The following BRF1 variants were observed in gnomAD, a reference collection of about 807,000 sequenced individuals.
The protein encoded by BRF1 is BRF1 general transcription factor IIIB subunit.
A neutral mutation model predicts 81.7 loss-of-function variants in BRF1; 59 were observed. The ratio of observed to expected loss-of-function variants is 0.72; its 90% CI spans 0.59 to 0.90. BRF1 has a LOEUF of 0.90. Ranked by LOEUF, BRF1 falls within the 40% of genes least tolerant of loss-of-function variation. The pLI is 0.00. For synonymous variants in BRF1, 491 were observed against 395.6 expected (o/e 1.24, Z -2.86); for missense variants, 1,050 against 936.3 (o/e 1.12, Z -1.58).
chr14:105,255,228 T>C (rs1566840926), intron 4 of BRF1, among the ~76,000 whole-genome samples: 1 of 152,256 alleles, frequency 6.6e-6, no homozygotes, highest in Non-Finnish European at 1.5e-5. Flanking sequence ...GTCGTGGGGT[T>C]GGAACCAGGG....
Position 105,256,173 on chromosome 14 carries a change from A to G in BRF1, c.471+345T>C, listed in dbSNP as rs976626068. 8 of 1,516,486 alleles carry G rather than the reference A, an allele frequency of 5.3e-6. No individual in the cohort carries two copies. The Admixed American group carries it at 1.0e-4, about 19-fold the overall frequency. The allele number at this position is 1,516,486 out of a possible 1,614,324, so 93.9% of individuals were successfully genotyped here. ...GCAAGGTCAAAAGAAATAATCTCCT[A>G]TACCAAACTAGGTACTCACAAAAAA... On this transcript the variant is annotated intron_variant, in intron 4 of 17. Coordinates refer to ENST00000547530, the MANE Select transcript of BRF1 (RefSeq NM_001519.4).
intron 5 of BRF1, chr14:105,250,693 C>T (rs774265589): frequency 6.3e-7 from 1 of 1,592,330 alleles, no homozygotes; most frequent in South Asian, 1.1e-5. Flanking sequence ...GAGGCTGCAG[C>T]AGGTCAGCGA....
At chr14:105,305,824 A>C (rs1326675913), upstream of BRF1, among the ~76,000 whole-genome samples, 1 of 152,242 alleles carries the variant, frequency 6.6e-6, no homozygotes, top group Non-Finnish European at 1.5e-5. Flanking sequence ...GAGCACCCAC[A>C]CTGGGCACCC....
chr14:105,241,198 A>C, intron 6 of BRF1, 67 bp downstream of exon 6: 5 of 1,584,938 alleles, frequency 3.2e-6, no homozygotes, highest in Non-Finnish European at 4.3e-6. Context: ...ACCAGCACTC[A>C]GGAGTCAGGA....
chr14:105,266,127 A>G lies in BRF1; in HGVS notation c.439+6594T>C, dbSNP rs1304938209. Among the ~76,000 whole-genome samples the G allele has an allele frequency of 2.6e-5, 4 of 152,100 alleles. No individual in the cohort carries two copies. In the South Asian group the frequency reaches 6.2e-4, roughly 24 times the overall value. On this transcript the variant is annotated intron_variant, in intron 3 of 17. Transcript: ENST00000547530. ...GATGTAACGAAACTCACCTAGAGAG[A>G]AATTTATAGCCTCGAGTGCTTATGT... is the stretch of plus-strand genomic sequence containing the variant.
intron 16 of BRF1, 153 bp from the exon 17 acceptor site, chr14:105,211,446 C>A: frequency 1.5e-6 from 1 of 652,708 alleles, no homozygotes; most frequent in South Asian, 2.0e-5. Context: ...GGCCCACTGG[C>A]CCCTTCTGGC....
chr14:105,222,191 C>G, intron 10 of BRF1: 1 of 402,062 alleles, frequency 2.5e-6, no homozygotes, highest in Non-Finnish European at 4.4e-6. Flanking sequence ...ATAAGGCAAA[C>G]ATTTCTAATG....
Position 105,309,466 on chromosome 14 carries a change from C to T in BRF1, c.-162+5856G>A, listed in dbSNP as rs1156463564. ...GTTTTGTCATTTCCCCTGGACTGGA[C>T]ATTCCTTTCTGTAGGTGTTGCTGTT... On this transcript the variant is annotated intron_variant, in intron 1 of 17. Transcript: ENST00000327359. This position sits in a 1 kb window ranked among gnomAD's most constrained non-coding sequence, Gnocchi z 4.0. 1.3e-5 allele frequency among the ~76,000 whole-genome samples: 2 copies of T among 152,228 alleles called. No homozygotes were observed. Among genetic ancestry groups the T allele is most frequent in the African/African-American group, 4.8e-5 (2 of 41,462 alleles).
At position 105,221,766 on chromosome 14, in the gene BRF1, G is replaced by A. The variant is rs1892318237; in HGVS notation, c.1197C>T (p.Pro399=). 1 of 1,611,472 alleles carries A rather than the reference G, an allele frequency of 6.2e-7. No homozygotes were observed. Among genetic ancestry groups the A allele is most frequent in the Non-Finnish European group, 8.5e-7 (1 of 1,179,680 alleles). Residue 399 remains proline, a synonymous_variant, in exon 11 of 18, where the codon CCC becomes CCT. Coordinates refer to ENST00000547530, the MANE Select transcript of BRF1 (RefSeq NM_001519.4). The part of the protein sequence containing the change: ...APGSSEAAGS[P]EWGGRPPALG... Reference sequence around the variant, plus strand: ...GGGCCGGAGGTCTGCCGCCCCACTCGGGGCTTCCTGCTGCTTCCGAGCTGC... The same window carrying A: ...GGGCCGGAGGTCTGCCGCCCCACTCAGGGCTTCCTGCTGCTTCCGAGCTGC...
rs148763121 is a variant in BRF1 at position 105,264,251 on chromosome 14, G to C, written c.440-7702C>G. Among the ~76,000 whole-genome samples, 804 of 152,060 alleles carry C rather than the reference G, an allele frequency of 5.3e-3. 10 individuals are homozygous for C. The highest frequency in any genetic ancestry group is 0.048 in the South Asian group (233 of 4,814). On this transcript the variant is annotated intron_variant, in intron 3 of 17. Transcript: ENST00000547530. The stretch of plus-strand genomic sequence containing the variant: ...GTTGGGAGGCCAAGGCAGGAGAATA[G>C]CTTCTGCCCAGGAGTTCAAGACCAG...
rs111789183 is a variant in BRF1, at chr14:105,278,321, G to A, written c.266-5427C>T. ...CAGCCAGGTGTGGTGGTGCAAGCCT[G>A]TAGGCCCAGCCAAGGTAGGAGGACT... On this transcript the variant is annotated intron_variant, in intron 2 of 17. Coordinates refer to ENST00000547530, the MANE Select transcript of BRF1 (RefSeq NM_001519.4). Among the ~76,000 whole-genome samples, 33 of 151,990 alleles carry A rather than the reference G, an allele frequency of 2.2e-4. 1 individual carries two copies. Among genetic ancestry groups the A allele is most frequent in the African/African-American group, 7.7e-4 (32 of 41,446 alleles).
chr14:105,306,452 T>C (rs1195159256), intron 1 of BRF1, among the ~76,000 whole-genome samples: 2 of 151,986 alleles, frequency 1.3e-5, no homozygotes, highest in Non-Finnish European at 2.9e-5. Context: ...TACAGGTGCA[T>C]GCCACCATGC....
At chr14:105,221,935 T>C in intron 10 of BRF1, 21 bp from the exon 11 acceptor site, 1 of 1,545,932 alleles carries the variant, frequency 6.5e-7, no homozygotes, top group Non-Finnish European at 8.7e-7. Flanking sequence ...ACAATCCACC[T>C]GTTAACCAGG....
intron 1 of BRF1, chr14:105,314,682 C>T (rs1418446443): frequency 7.0e-6 from 1 of 142,886 alleles, no homozygotes; most frequent in Admixed American, 6.9e-5. Context: ...GCGCCGGGCG[C>T]GCGCGGGGCG....
rs1401105722 is a variant in BRF1, at chr14:105,284,931, T to C, written c.265+1365A>G. ...GCCAGGCTGCAAGATACAAGATCAA[T>C]ACATATCAACTGAGACTAAATTCGA... On this transcript the variant is annotated intron_variant, in intron 2 of 17. Coordinates refer to ENST00000547530, the MANE Select transcript of BRF1 (RefSeq NM_001519.4). This position sits in a 1 kb window ranked among gnomAD's most constrained non-coding sequence, Gnocchi z 4.0. 5.9e-5 allele frequency among the ~76,000 whole-genome samples: 9 copies of C among 152,156 alleles called. No individual in the cohort carries two copies. Among genetic ancestry groups the C allele is most frequent in the Admixed American group, 2.6e-4 (4 of 15,262 alleles).
rs1263897590 is a variant in BRF1 at position 105,309,667 on chromosome 14, C to G, written c.-162+5655G>C. Among the ~76,000 whole-genome samples, 1 of 152,144 alleles carries G rather than the reference C, an allele frequency of 6.6e-6. No homozygotes were observed. Among genetic ancestry groups the G allele is most frequent in the Non-Finnish European group, 1.5e-5 (1 of 68,026 alleles). On this transcript the variant is annotated intron_variant, in intron 1 of 17. Transcript: ENST00000327359. This position sits in a 1 kb window ranked among gnomAD's most constrained non-coding sequence, Gnocchi z 4.0. ...GTGTGAGGGAGCTGCGCTGCCTGCG[C>G]CCAACCCAGGAGGGGAGCAGCGTGC... is the stretch of plus-strand genomic sequence containing the variant.
At chr14:105,228,779 G>C in intron 7 of BRF1, 41 bp downstream of exon 7, 1 of 1,606,394 alleles carries the variant, frequency 6.2e-7, no homozygotes, top group Non-Finnish European at 8.5e-7. Flanking sequence ...GACTGATGAA[G>C]CCTCTGTGTG....
intron 7 of BRF1, chr14:105,227,916 C>A (rs2054111400): frequency 6.6e-6 from 1 of 152,224 alleles, no homozygotes; most frequent in Admixed American, 6.5e-5. Context: ...TGATAAATGT[C>A]ACAGCAGTTA....
rs1595304804 is a variant in BRF1, at chr14:105,226,257, C to T, written c.949G>A (p.Val317Ile). Residue 317 changes from valine to isoleucine, a missense_variant, in exon 9 of 18, where the codon GTT becomes ATT. Physicochemically the swap from Val to Ile is conservative, Grantham distance 29 (BLOSUM62 3). Transcript: ENST00000547530. ...GGGAAGATTGGTTGGTTACCTTCAA[C>T]CTCCTCCAGTTTTTTTGACAGGACT... is the stretch of plus-strand genomic sequence containing the variant. ...EQVLSKKLEE[V>I]EGEISSYQDA... The T allele has an allele frequency of 1.9e-6, 3 of 1,614,100 alleles. No homozygotes were observed. Among genetic ancestry groups the T allele is most frequent in the Non-Finnish European group, 2.5e-6 (3 of 1,180,036 alleles).
Sources: allele counts gnomAD v4.1 joint callset (sites outside exome capture counted in the v4.1 genomes callset), GRCh38; gene constraint gnomAD v4.1.1; non-coding constraint Gnocchi (gnomAD v3.1); transcripts MANE v1.5; gene names NCBI Gene and HGNC (gene_info 2026-07-23, HGNC 2026-07-21).